Variants in PPFIBP2 observed in about 807,000 individuals in gnomAD.
The protein encoded by PPFIBP2 is PPFIB scaffold protein 2.
PPFIBP2 carries 118 observed loss-of-function variants against 118.3 expected under a neutral mutation model. The ratio of observed to expected loss-of-function variants is 1.00; its 90% confidence interval spans 0.86 to 1.16. The LOEUF (loss-of-function observed/expected upper bound fraction) is 1.16, where lower values mean the gene tolerates loss of function less well. PPFIBP2 is among the 50% of genes most tolerant of loss of function. PPFIBP2 has a pLI of 0.00. For synonymous variants in PPFIBP2, 414 were observed against 397.4 expected (o/e 1.04, Z -0.50); for missense variants, 1,195 against 1,073.1 (o/e 1.11, Z -1.59).
At chr11:7,579,555 TC>T (rs1253415854) in intron 3 of PPFIBP2, among the ~76,000 whole-genome samples, 2 of 152,154 alleles carry the variant, frequency 1.3e-5, no homozygotes, top group Non-Finnish European at 2.9e-5. Context: ...AATCAAGAAA[TC>T]CTTTCAGCCA....
In PPFIBP2 at chr11:7,648,457, G is replaced by A. The variant is rs1477761586; in HGVS notation, c.1717G>A (p.Ala573Thr). ...TGCATGGCTGGAGGACTTTGGCCTG[G>A]CTCAGTATGTGATCTTTGCCAGGCA... Reference protein sequence around the residue: ...VCAWLEDFGLAQYVIFARQWV... With the variant: ...VCAWLEDFGLTQYVIFARQWV... The change falls in exon 18 of 24, where the codon GCT becomes ACT. Residue 573 changes from alanine (A) to threonine (T), a missense_variant. Ala to Thr is a moderately conservative substitution (Grantham distance 58, BLOSUM62 0). Transcript: ENST00000299492. The A allele has an allele frequency of 6.2e-7, 1 of 1,614,082 alleles. No individual in the cohort carries two copies. Among genetic ancestry groups the A allele is most frequent in the Non-Finnish European group, 8.5e-7 (1 of 1,180,020 alleles).
intron 2 of PPFIBP2, among the ~76,000 whole-genome samples, chr11:7,551,459 G>A (rs1852989168): frequency 6.6e-6 from 1 of 151,992 alleles, no homozygotes; most frequent in Non-Finnish European, 1.5e-5. Flanking sequence ...TCTGTATTCT[G>A]TTTCATGGAT....
At chr11:7,578,478 C>T (rs866157707) in intron 3 of PPFIBP2, among the ~76,000 whole-genome samples, 2 of 152,194 alleles carry the variant, frequency 1.3e-5, no homozygotes, top group Non-Finnish European at 1.5e-5. Context: ...CCCCGACTCC[C>T]GGACACTGAG....
At chr11:7,545,180 G>T (rs796142211) in intron 1 of PPFIBP2, among the ~76,000 whole-genome samples, 8 of 152,294 alleles carry the variant, frequency 5.3e-5, no homozygotes, top group African/African-American at 1.9e-4. Context: ...TGTAATCCCA[G>T]CACTTTGGGA....
intron 2 of PPFIBP2, among the ~76,000 whole-genome samples, chr11:7,552,265 A>G (rs567993909): frequency 6.6e-6 from 1 of 152,366 alleles, no homozygotes; most frequent in East Asian, 1.9e-4. Context: ...CTGTGTTGAC[A>G]TGCGTAAGGT....
chr11:7,641,120 C>G (rs1009995962), intron 15 of PPFIBP2: 31 of 1,213,412 alleles, frequency 2.6e-5, no homozygotes, highest in Non-Finnish European at 3.4e-5. Context: ...GTTTCCCTAC[C>G]CTAACCCTCC....
chr11:7,608,836 G>T (rs1055467524), intron 5 of PPFIBP2, among the ~76,000 whole-genome samples: 2 of 152,194 alleles, frequency 1.3e-5, no homozygotes, highest in Non-Finnish European at 2.9e-5. Flanking sequence ...TACAGAGGAG[G>T]CACTCAACAA....
chr11:7,654,587 A>G (rs1565137763), downstream of PPFIBP2, among the ~76,000 whole-genome samples: 1 of 152,184 alleles, frequency 6.6e-6, no homozygotes, highest in East Asian at 1.9e-4. Flanking sequence ...GAGGTGAGAG[A>G]TGTGGGGACA....
chr11:7,654,374 G>T (rs998211508), downstream of PPFIBP2, among the ~76,000 whole-genome samples: 1 of 152,220 alleles, frequency 6.6e-6, no homozygotes, highest in Non-Finnish European at 1.5e-5. Context: ...CCCAGGCAGT[G>T]CTTGGCTCCC....
chr11:7,528,839 G>A (rs1356051042), intron 1 of PPFIBP2, among the ~76,000 whole-genome samples: 6 of 152,178 alleles, frequency 3.9e-5, no homozygotes, highest in East Asian at 1.9e-4. Context: ...GTTCTTATGC[G>A]TATATCTAGT....
intron 2 of PPFIBP2, among the ~76,000 whole-genome samples, chr11:7,564,249 G>C (rs1486107086): frequency 6.6e-6 from 1 of 152,076 alleles, no homozygotes; most frequent in Non-Finnish European, 1.5e-5. Context: ...AGATCTCTGA[G>C]GACATTGAAG....
intron 16 of PPFIBP2, 86 bp downstream of exon 16, chr11:7,641,706 A>G (rs919318225): frequency 2.6e-5 from 35 of 1,327,192 alleles, no homozygotes; most frequent in Non-Finnish European, 3.5e-5. Flanking sequence ...CCCTGGTCCA[A>G]TAGACACTGA....
At chr11:7,581,924 TCTC>T (rs1482567967) in intron 3 of PPFIBP2, among the ~76,000 whole-genome samples, 1 of 151,984 alleles carries the variant, frequency 6.6e-6, no homozygotes, top group Admixed American at 6.5e-5. Flanking sequence ...TCAACCTCCT[TCTC>T]CTAGCTTCAA....
rs754146116 is a variant in PPFIBP2 at position 7,625,848 on chromosome 11, C to G, written c.783C>G (p.Leu261=). Residue 261 remains leucine, a synonymous_variant, in exon 8 of 24, where the codon CTC becomes CTG. Coordinates refer to ENST00000299492, the MANE Select transcript of PPFIBP2 (RefSeq NM_003621.5). ...AAATTGAGCGTCTGCACAGCCAGCT[C>G]TCCCGGACAGCAGCTCTCCACAGTG... The part of the protein sequence containing the change: ...DAEIERLHSQ[L]SRTAALHSES... The G allele has an allele frequency of 2.5e-6, 4 of 1,614,250 alleles. No individual in the cohort carries two copies. Among genetic ancestry groups the G allele is most frequent in the African/African-American group, 1.3e-5 (1 of 75,064 alleles).
intron 5 of PPFIBP2, among the ~76,000 whole-genome samples, chr11:7,603,070 GA>G (rs1846869935): frequency 2.0e-5 from 3 of 152,174 alleles, no homozygotes; most frequent in Non-Finnish European, 4.4e-5. Context: ...CTTCCCAGGA[GA>G]GCCTTTAAGC....
chr11:7,531,678 G>A (rs947860007), intron 1 of PPFIBP2, among the ~76,000 whole-genome samples: 1 of 152,100 alleles, frequency 6.6e-6, no homozygotes, highest in Non-Finnish European at 1.5e-5. Flanking sequence ...ATGGGGGTGT[G>A]TGTTAGTTTG....
intron 18 of PPFIBP2, 22 bp downstream of exon 18, chr11:7,648,559 A>G (rs1853479059): frequency 1.2e-6 from 2 of 1,611,138 alleles, no homozygotes; most frequent in Non-Finnish European, 1.7e-6. Flanking sequence ...GCTTGGGGAG[A>G]GGAGGCTCCC....
intron 2 of PPFIBP2, among the ~76,000 whole-genome samples, chr11:7,562,006 A>G (rs969127260): frequency 3.9e-5 from 6 of 152,222 alleles, no homozygotes; most frequent in African/African-American, 1.4e-4. Flanking sequence ...AAACTGTTCT[A>G]CCTCAGATCA....
chr11:7,627,036 C>T (rs944584641), intron 8 of PPFIBP2, among the ~76,000 whole-genome samples: 1 of 152,250 alleles, frequency 6.6e-6, no homozygotes, highest in African/African-American at 2.4e-5. Flanking sequence ...CCTGGACTAT[C>T]TCTGATGCTA....
Sources: gnomAD v4.1 joint callset for allele counts (sites outside exome capture counted in the v4.1 genomes callset) on GRCh38, gnomAD v4.1.1 for gene constraint, MANE v1.5 for transcripts, NCBI Gene and HGNC (gene_info 2026-07-23, HGNC 2026-07-21) for gene names.